Variants in DLGAP2 observed in about 807,000 individuals in gnomAD.
DLGAP2 encodes DLG associated protein 2, also known as disks large-associated protein 2.
In DLGAP2, 26 loss-of-function variants were observed where a neutral mutation model predicts 100.3. The ratio of observed to expected loss-of-function variants is 0.26; its 90% confidence interval spans 0.19 to 0.36. The LOEUF (loss-of-function observed/expected upper bound fraction) is 0.36, where lower values mean the gene tolerates loss of function less well. Ranked by LOEUF, DLGAP2 falls within the 10% of genes least tolerant of loss-of-function variation. The probability of loss-of-function intolerance (pLI) is 1.00; values close to 1 mark genes in which losing one functional copy is unlikely to be tolerated. For synonymous variants in DLGAP2, 886 were observed against 630.1 expected (o/e 1.41, Z -6.08); for missense variants, 1,858 against 1,453.2 (o/e 1.28, Z -4.53).
intron 6 of DLGAP2, among the ~76,000 whole-genome samples, chr8:1,601,137 C>G (rs193243163): frequency 3.3e-5 from 5 of 152,346 alleles, no homozygotes; most frequent in African/African-American, 1.2e-4. Context: ...CCCCTCTTCT[C>G]AGGTCTGCTG....
At chr8:1,079,632 C>T (rs984754338) in intron 2 of DLGAP2, among the ~76,000 whole-genome samples, 29 of 152,138 alleles carry the variant, frequency 1.9e-4, no homozygotes, top group East Asian at 1.2e-3. Context: ...GGACTGTGAA[C>T]GATGAATAGG....
chr8:1,261,612 C>A (rs1288977605), intron 3 of DLGAP2, among the ~76,000 whole-genome samples: 3 of 152,166 alleles, frequency 2.0e-5, no homozygotes, highest in Non-Finnish European at 4.4e-5. Flanking sequence ...TGGCCTGCCC[C>A]TCCTCACTGG....
chr8:881,971 C>G (rs1318180894), intron 1 of DLGAP2, among the ~76,000 whole-genome samples: 2 of 152,198 alleles, frequency 1.3e-5, no homozygotes, highest in Non-Finnish European at 2.9e-5. Context: ...CATGCAAACT[C>G]ATAGCCTCGT....
At chr8:1,246,900 A>G (rs28521731) in intron 2 of DLGAP2, 94,798 of 102,364 alleles carry the variant, frequency 0.93, 44,024 homozygotes, top group Non-Finnish European at 0.95. Flanking sequence ...GTTGGTGTCC[A>G]GCAAGACCTT....
At chr8:1,353,762 C>T (rs1049581934) in intron 3 of DLGAP2, among the ~76,000 whole-genome samples, 10 of 152,022 alleles carry the variant, frequency 6.6e-5, no homozygotes, top group Non-Finnish European at 1.5e-5. Flanking sequence ...GTCAAAGAAC[C>T]TTGTAAACAA....
chr8:1,209,247 A>G (rs533545642), intron 2 of DLGAP2, among the ~76,000 whole-genome samples: 2 of 152,346 alleles, frequency 1.3e-5, no homozygotes, highest in South Asian at 2.1e-4. Context: ...CCCAACTTCA[A>G]ACTATACTAT....
intron 2 of DLGAP2, among the ~76,000 whole-genome samples, chr8:919,989 G>A (rs1584890221): frequency 6.6e-6 from 1 of 152,218 alleles, no homozygotes. Flanking sequence ...GATTCACTGG[G>A]AGGACTCCTG....
chr8:761,839 G>A (rs533290283), intron 1 of DLGAP2, among the ~76,000 whole-genome samples: 67 of 152,316 alleles, frequency 4.4e-4, no homozygotes, highest in African/African-American at 1.5e-3. Context: ...CCAGCCTGGC[G>A]TGCGACACCC....
chr8:1,578,838 G>A (rs1016293402), intron 6 of DLGAP2, among the ~76,000 whole-genome samples: 3 of 152,096 alleles, frequency 2.0e-5, no homozygotes, highest in African/African-American at 4.8e-5. Context: ...ACAGACCCTC[G>A]GCCTTGTGTC....
rs113372570 is a variant in DLGAP2, at chr8:778,377, C to T, written c.18+40552C>T. 7.3e-3 allele frequency among the ~76,000 whole-genome samples: 1,114 copies of T among 152,260 alleles called. 8 individuals are homozygous for T. The highest frequency in any genetic ancestry group is 0.028 in the South Asian group (133 of 4,814). ...AGTCATTCTCCGTCCAGCTTTGTTC[C>T]GTTGCTGGTGAGGAACTGCGTTCCG... On this transcript the variant is annotated intron_variant, in intron 1 of 14. Transcript: ENST00000637795.
rs562300385 is a variant in DLGAP2, at chr8:1,435,304, C to G, written c.107-66062C>G. Among the ~76,000 whole-genome samples the G allele has an allele frequency of 7.8e-4, 119 of 152,296 alleles. No homozygotes were observed. In the Middle Eastern group the frequency reaches 0.031, roughly 39 times the overall value. ...TTAAGTGCCATCCATCGGAAGCAGGCAAGGGCTTTATAACCTCCCACACCG... is the reference window on the plus strand; with the variant it reads ...TTAAGTGCCATCCATCGGAAGCAGGGAAGGGCTTTATAACCTCCCACACCG... On this transcript the variant is annotated intron_variant, in intron 3 of 14. Coordinates refer to ENST00000637795, the MANE Select transcript of DLGAP2 (RefSeq NM_001346810.2).
intron 2 of DLGAP2, among the ~76,000 whole-genome samples, chr8:1,249,164 C>T (rs1444246047): frequency 1.3e-5 from 2 of 152,142 alleles, no homozygotes; most frequent in Non-Finnish European, 2.9e-5. Context: ...TCTACCCTTG[C>T]CTGCTTTACT....
At chr8:845,180 C>T (rs573228431) in intron 1 of DLGAP2, among the ~76,000 whole-genome samples, 1 of 152,082 alleles carries the variant, frequency 6.6e-6, no homozygotes, top group South Asian at 2.1e-4. Flanking sequence ...GGGTATATAC[C>T]TAGGAGTGGA....
chr8:964,523 T>C (rs915514596), intron 2 of DLGAP2, among the ~76,000 whole-genome samples: 1 of 152,246 alleles, frequency 6.6e-6, no homozygotes, highest in Non-Finnish European at 1.5e-5. Flanking sequence ...GGTTCAGCTG[T>C]TTATTTGAAA....
intron 2 of DLGAP2, among the ~76,000 whole-genome samples, chr8:1,052,049 G>A (rs950715615): frequency 6.6e-6 from 1 of 152,104 alleles, no homozygotes; most frequent in East Asian, 1.9e-4. Context: ...GGCTCAACAC[G>A]CCTGCCGCCA....
chr8:1,594,352 T>C (rs953621343), intron 6 of DLGAP2, among the ~76,000 whole-genome samples: 1 of 151,870 alleles, frequency 6.6e-6, no homozygotes, highest in East Asian at 1.9e-4. Flanking sequence ...AAGAGAACAA[T>C]GAAGGAACAA....
chr8:1,651,282 C>T (rs1003686551), intron 8 of DLGAP2, among the ~76,000 whole-genome samples: 2 of 152,160 alleles, frequency 1.3e-5, no homozygotes, highest in African/African-American at 4.8e-5. Context: ...TCTGTGTGGC[C>T]CTTCTTCACA....
chr8:1,243,390 G>A (rs771442700), intron 2 of DLGAP2, among the ~76,000 whole-genome samples: 3 of 152,148 alleles, frequency 2.0e-5, no homozygotes, highest in African/African-American at 2.4e-5. Flanking sequence ...ACTGGTGAGC[G>A]ACGGTCATTC....
At chr8:1,025,074 A>G (rs1801752902) in intron 2 of DLGAP2, among the ~76,000 whole-genome samples, 2 of 150,340 alleles carry the variant, frequency 1.3e-5, no homozygotes, top group Admixed American at 6.6e-5. Flanking sequence ...ATGTGTGTGC[A>G]TGTGTGTGTG....
Sources: gnomAD v4.1 joint callset for allele counts (sites outside exome capture counted in the v4.1 genomes callset) on GRCh38, gnomAD v4.1.1 for gene constraint, MANE v1.5 for transcripts, NCBI Gene and HGNC (gene_info 2026-07-23, HGNC 2026-07-21) for gene names.